The following NLRP5 variants were observed in gnomAD, a reference collection of about 807,000 sequenced individuals.
NLRP5 encodes NLR family pyrin domain containing 5, also known as NACHT, LRR and PYD domains-containing protein 5.
Under a neutral mutation model 113.1 loss-of-function variants are expected in NLRP5, and 93 were observed. The observed-to-expected ratio is 0.82, with a 90% CI of 0.70 to 0.98. NLRP5 has a LOEUF of 0.98. NLRP5 is among the 50% of genes least tolerant of loss of function. The pLI is 0.00. For synonymous variants in NLRP5, 751 were observed against 600.7 expected, an observed-to-expected ratio of 1.25 and a Z score of -3.66; for missense variants, 1,808 against 1,514.3, an observed-to-expected ratio of 1.19 and a Z score of -3.22.
At chr19:56,017,902 G>T (rs1038704793) in intron 4 of NLRP5, among the ~76,000 whole-genome samples, 2 of 152,074 alleles carry the variant, frequency 1.3e-5, no homozygotes. Flanking sequence ...CAACCTCCAC[G>T]TCCCAGGTTT....
At chr19:56,041,306 T>C (rs1372583450) in intron 11 of NLRP5, among the ~76,000 whole-genome samples, 1 of 152,148 alleles carries the variant, frequency 6.6e-6, no homozygotes, top group African/African-American at 2.4e-5. Context: ...AAGTCATTTG[T>C]TCAAGGACAG....
chr19:55,999,757 C>T lies in NLRP5; in HGVS notation c.32C>T (p.Ala11Val), dbSNP rs757058002. ...GTTGCAGGAGGACTTGAACTTGGAG[C>T]TGCTGCTCTGCTCTCAGCATCACCA... Residue 11 changes from alanine to valine, a missense_variant, in exon 1 of 15, where the codon GCT (alanine) becomes GTT (valine). By Grantham distance (64) the Ala-to-Val change is moderately conservative. Coordinates refer to ENST00000390649, the MANE Select transcript of NLRP5 (RefSeq NM_153447.4). The T allele has an allele frequency of 5.6e-6, 9 of 1,613,448 alleles. No individual in the cohort carries two copies. The African/African-American group carries it at 9.3e-5, about 17-fold the overall frequency.
chr19:56,039,757 C>CA (rs979615135), intron 10 of NLRP5, among the ~76,000 whole-genome samples: 4 of 152,054 alleles, frequency 2.6e-5, no homozygotes, highest in African/African-American at 7.2e-5. Flanking sequence ...ACTAAAAATA[C>CA]AAAAAAATTA....
chr19:56,005,636 ACACACACGCG>A (rs1981874912), intron 2 of NLRP5, among the ~76,000 whole-genome samples: 3 of 142,262 alleles, frequency 2.1e-5, no homozygotes, highest in Admixed American at 6.9e-5. Flanking sequence ...ACACACACAC[ACACACACGCG>A]CGCAGGTGGC....
intron 11 of NLRP5, among the ~76,000 whole-genome samples, chr19:56,045,258 A>G (rs969609879): frequency 6.6e-6 from 1 of 152,120 alleles, no homozygotes; most frequent in African/African-American, 2.4e-5. Context: ...GAGTAGTGAG[A>G]GTGGGCATCC....
chr19:56,060,721 T>A (rs1472369826), intron 14 of NLRP5, among the ~76,000 whole-genome samples: 1 of 151,920 alleles, frequency 6.6e-6, no homozygotes, highest in Non-Finnish European at 1.5e-5. Context: ...TATCCAAGTT[T>A]TTTTACATGC....
the NLRP5 span, chr19:55,988,515 A>T: frequency 3.3e-5 from 5 of 149,280 alleles, no homozygotes; most frequent in Admixed American, 2.7e-4. Flanking sequence ...CTAAGACAGG[A>T]TATAGACAAA....
intron 3 of NLRP5, among the ~76,000 whole-genome samples, chr19:56,012,655 G>A (rs1982243654): frequency 1.5e-5 from 1 of 68,770 alleles, no homozygotes; most frequent in South Asian, 4.1e-4. Context: ...AATTTGGAAC[G>A]ATCTTACAAT....
chr19:56,027,228 TCA>T lies in NLRP5; in HGVS notation c.998_999del (p.Thr333ArgfsTer29). 1.2e-6 allele frequency: 2 copies of T among 1,612,662 alleles called. No individual in the cohort carries two copies. The highest frequency in any genetic ancestry group is 1.7e-6 in the Non-Finnish European group (2 of 1,179,584). On this transcript the variant is annotated frameshift_variant, in exon 7 of 15. Coordinates refer to ENST00000390649, the MANE Select transcript of NLRP5 (RefSeq NM_153447.4). LOFTEE classifies it high-confidence loss of function. Reference sequence around the variant, plus strand: ...ATGCAGCGGAAGAAGGAGAGCAGTGTCACAGAGTTCATCTCCAGGGAGTGGCC... The same window carrying T: ...ATGCAGCGGAAGAAGGAGAGCAGTGTCAGAGTTCATCTCCAGGGAGTGGCC...
At chr19:56,031,656 A>T (rs1983120798) in intron 7 of NLRP5, among the ~76,000 whole-genome samples, 1 of 151,184 alleles carries the variant, frequency 6.6e-6, no homozygotes, top group Non-Finnish European at 1.5e-5. Context: ...ATGTAGACTC[A>T]TGCAGCATTT....
chr19:55,992,059 T>G, the NLRP5 span, among the ~76,000 whole-genome samples: 1 of 152,172 alleles, frequency 6.6e-6, no homozygotes, highest in Non-Finnish European at 1.5e-5. Flanking sequence ...TATCTGTGGT[T>G]CCCCTCTTTG....
rs199475772 is a variant in NLRP5 at position 56,027,023 on chromosome 19, C to G, written c.790C>G (p.Gln264Glu). 1,693 of 1,552,210 alleles carry G rather than the reference C, an allele frequency of 1.1e-3. 3 individuals carry two copies. Among genetic ancestry groups the G allele is most frequent in the Non-Finnish European group, 1.4e-3 (1,579 of 1,147,286 alleles). ...CACTGCTGCTGACTGGCCGGAAATG[C>G]AAACGTTGGCTGGTGCTTTTGATTC... The change falls in exon 7 of 15, where the codon CAA (glutamine) becomes GAA (glutamate). Residue 264 changes from glutamine (Q) to glutamate (E), a missense_variant. Gln to Glu is a conservative substitution (Grantham distance 29). Transcript: ENST00000390649.
chr19:56,044,505 T>C (rs1018352928), intron 11 of NLRP5, among the ~76,000 whole-genome samples: 3 of 152,208 alleles, frequency 2.0e-5, no homozygotes, highest in African/African-American at 7.2e-5. Context: ...TTGTTTGCTT[T>C]GTTGAAGATC....
chr19:56,032,878 C>A, intron 8 of NLRP5, 97 bp downstream of exon 8: 3 of 1,232,422 alleles, frequency 2.4e-6, no homozygotes, highest in Non-Finnish European at 3.4e-6. Context: ...CTTTCAAGTG[C>A]AGCCTGAGGG....
chr19:56,012,289 T>A (rs1368541945), intron 3 of NLRP5, among the ~76,000 whole-genome samples: 3 of 151,964 alleles, frequency 2.0e-5, no homozygotes, highest in Non-Finnish European at 2.9e-5. Flanking sequence ...GCTGGGACTA[T>A]AGGCACCTGC....
chr19:56,026,527 C>CAAAAAAAAAAAAAAAA (rs375845864), intron 6 of NLRP5, among the ~76,000 whole-genome samples: 1 of 40,346 alleles, frequency 2.5e-5, no homozygotes. Flanking sequence ...GACTCCATCT[C>CAAAAAAAAAAAAAAAA]AAAAAAAAAA....
At chr19:56,018,004 G>T (rs1025003241) in intron 4 of NLRP5, among the ~76,000 whole-genome samples, 1 of 152,012 alleles carries the variant, frequency 6.6e-6, no homozygotes, top group African/African-American at 2.4e-5. Flanking sequence ...AGATCATATG[G>T]TCTCTACCCG....
intron 7 of NLRP5, among the ~76,000 whole-genome samples, chr19:56,031,530 C>T (rs1397839733): frequency 6.6e-6 from 1 of 150,494 alleles, no homozygotes; most frequent in Non-Finnish European, 1.5e-5. Context: ...ACTTGGGAGG[C>T]TGAGGCAGGA....
At chr19:56,002,763 G>A (rs1221446730) in intron 1 of NLRP5, among the ~76,000 whole-genome samples, 1 of 151,230 alleles carries the variant, frequency 6.6e-6, no homozygotes. Flanking sequence ...ATGGTTTCCA[G>A]TTTCATCCAT....
Sources: gnomAD v4.1 joint callset for allele counts (sites outside exome capture counted in the v4.1 genomes callset) on GRCh38, gnomAD v4.1.1 for gene constraint, MANE v1.5 for transcripts, NCBI Gene and HGNC (gene_info 2026-07-23, HGNC 2026-07-21) for gene names.